TTC28: variants seen among roughly 807,000 people sequenced by gnomAD.
TTC28 encodes tetratricopeptide repeat protein 28.
TTC28 carries 61 observed loss-of-function variants against 198.0 expected under a neutral mutation model. That is an observed-to-expected ratio of 0.31 (90% CI 0.25 to 0.38). The LOEUF (loss-of-function observed/expected upper bound fraction) is 0.38, where lower values mean the gene tolerates loss of function less well. TTC28 is among the 10% of genes least tolerant of loss of function. The pLI is 1.00. For missense variants in TTC28, 2,678 were observed against 3,164.0 expected (o/e 0.85, Z 3.69); for synonymous variants, 1,171 against 1,297.8 (o/e 0.90, Z 2.10).
At chr22:27,993,900 CCT>C (rs1937503044) in intron 17 of TTC28, among the ~76,000 whole-genome samples, 2 of 152,218 alleles carry the variant, frequency 1.3e-5, no homozygotes, top group Non-Finnish European at 2.9e-5. Flanking sequence ...TCAGGAACCC[CCT>C]CACTGCCCAC....
At chr22:28,158,151 A>G (rs1943795037) in intron 6 of TTC28, among the ~76,000 whole-genome samples, 1 of 152,168 alleles carries the variant, frequency 6.6e-6, no homozygotes, top group Non-Finnish European at 1.5e-5. Context: ...ATAAGAAAGG[A>G]ATCTCATTTA....
intron 2 of TTC28, among the ~76,000 whole-genome samples, chr22:28,522,596 T>TACTGCTCGGAGGTTGGGTTC (rs1341260438): frequency 5.9e-5 from 9 of 151,510 alleles, no homozygotes; most frequent in African/African-American, 2.2e-4. Context: ...CTACTGAAAT[T>TACTGCTCGGAGGTTGGGTTC]TGAACTCAAT....
intron 5 of TTC28, among the ~76,000 whole-genome samples, chr22:28,248,754 C>G (rs1930296912): frequency 6.6e-6 from 1 of 152,160 alleles, no homozygotes; most frequent in African/African-American, 2.4e-5. Context: ...TATTTCAAGT[C>G]ATCGTTTTTT....
intron 5 of TTC28, among the ~76,000 whole-genome samples, chr22:28,239,508 G>A (rs890980317): frequency 3.9e-5 from 6 of 152,140 alleles, no homozygotes; most frequent in Admixed American, 2.0e-4. Context: ...GACAGAATGA[G>A]CATTTGCTTA....
rs535971768 is a variant in TTC28, at chr22:28,381,698, T to G, written c.382-75055A>C. 6.6e-5 allele frequency among the ~76,000 whole-genome samples: 10 copies of G among 152,246 alleles called. No homozygotes were observed. In the South Asian group the frequency reaches 1.5e-3, roughly 22 times the overall value. On this transcript the variant is annotated intron_variant, in intron 2 of 22. Transcript: ENST00000397906. ...CAAGAGAAGTCACTTAATCCAGTATTTTATTGGAAATTGGACCAACTCCAA... is the reference window on the plus strand; with the variant it reads ...CAAGAGAAGTCACTTAATCCAGTATGTTATTGGAAATTGGACCAACTCCAA...
chr22:28,339,974 T>C (rs773304782), intron 2 of TTC28, among the ~76,000 whole-genome samples: 9 of 152,226 alleles, frequency 5.9e-5, no homozygotes, highest in Non-Finnish European at 1.3e-4. Flanking sequence ...ACCCGTCTTC[T>C]GCGTCGCCTA....
intron 6 of TTC28, among the ~76,000 whole-genome samples, chr22:28,140,098 C>A (rs879294498): frequency 6.6e-6 from 1 of 152,122 alleles, no homozygotes; most frequent in Non-Finnish European, 1.5e-5. Flanking sequence ...GTTCCTCCCC[C>A]ATAAGGTTGA....
At chr22:28,284,486 G>T (rs533280330) in intron 5 of TTC28, among the ~76,000 whole-genome samples, 1 of 152,156 alleles carries the variant, frequency 6.6e-6, no homozygotes, top group East Asian at 1.9e-4. Context: ...GACGCCAAAA[G>T]CATAGATAAC....
rs1022538284 is a variant in TTC28 at position 28,119,981 on chromosome 22, A to C, written c.1442-11578T>G. On this transcript the variant is annotated intron_variant, in intron 6 of 22. Transcript: ENST00000397906. ...CCTCACCAATTTATCTGTAAAATGTAATGCATTAAGAAGACAGATTAAAAA... is the reference window on the plus strand; with the variant it reads ...CCTCACCAATTTATCTGTAAAATGTCATGCATTAAGAAGACAGATTAAAAA... Among the ~76,000 whole-genome samples, 12 of 152,352 alleles carry C rather than the reference A, an allele frequency of 7.9e-5. 1 individual carries two copies. Among genetic ancestry groups the C allele is most frequent in the Admixed American group, 7.8e-4 (12 of 15,302 alleles).
chr22:28,676,920 C>T (rs1250097160), intron 1 of TTC28, among the ~76,000 whole-genome samples: 1 of 151,062 alleles, frequency 6.6e-6, no homozygotes, highest in African/African-American at 2.4e-5. Context: ...CTTGGGAGCC[C>T]GAGGAGGGTG....
chr22:28,263,357 T>C (rs923447315), intron 5 of TTC28, among the ~76,000 whole-genome samples: 5 of 152,104 alleles, frequency 3.3e-5, no homozygotes, highest in Admixed American at 2.0e-4. Context: ...TAAAACTCTA[T>C]TGCATTTCTG....
rs1043328915 is a variant in TTC28, at chr22:28,341,019, G to A, written c.382-34376C>T. On this transcript the variant is annotated intron_variant, in intron 2 of 22. Coordinates refer to ENST00000397906, the MANE Select transcript of TTC28 (RefSeq NM_001145418.2). ...GGAAGAAAAATTATTTTAATTTAAA[G>A]TCTCCAAAGGGTACAACATGTAGCA... Among the ~76,000 whole-genome samples, 4 of 152,248 alleles carry A rather than the reference G, an allele frequency of 2.6e-5. 1 individual carries two copies. In the South Asian group the frequency reaches 8.3e-4, roughly 32 times the overall value.
At chr22:28,030,205 G>A (rs1569093069) in intron 13 of TTC28, 21 bp downstream of exon 13, 7 of 1,551,168 alleles carry the variant, frequency 4.5e-6, no homozygotes, top group Non-Finnish European at 6.1e-6. Flanking sequence ...ACTGGGCCTG[G>A]GGAAAGCGCC....
At chr22:28,386,274 C>CAAAAAAAAAAAAAAAAAAAAAA (rs71194764) in intron 2 of TTC28, among the ~76,000 whole-genome samples, 6 of 52,234 alleles carry the variant, frequency 1.1e-4, no homozygotes, top group Admixed American at 3.4e-4. Flanking sequence ...GACTCCGTCT[C>CAAAAAAAAAAAAAAAAAAAAAA]AAAAAAAAAA....
chr22:28,581,649 T>C (rs2050235331), intron 2 of TTC28, among the ~76,000 whole-genome samples: 1 of 152,200 alleles, frequency 6.6e-6, no homozygotes, highest in African/African-American at 2.4e-5. Context: ...ACAGATATCA[T>C]TGCAAGAATA....
At position 28,125,172 on chromosome 22, in the gene TTC28, T is replaced by C. The variant is rs543946099; in HGVS notation, c.1442-16769A>G. On this transcript the variant is annotated intron_variant, in intron 6 of 22. Transcript: ENST00000397906. ...AATCATTTGTTTTCCAGATGGAGAA[T>C]TGAAGTACAAAGAAGGGTCACAACC... 1.7e-4 allele frequency among the ~76,000 whole-genome samples: 26 copies of C among 152,300 alleles called. No homozygotes were observed. In the Middle Eastern group the frequency reaches 0.01, roughly 60 times the overall value.
At position 28,537,334 on chromosome 22, in the gene TTC28, A is replaced by AAAATAAAATAAAATAAAAT. The variant is rs1569009295; in HGVS notation, c.381+92217_381+92218insATTTTATTTTATTTTATTT. ...AAAATAAAATAAAATAAAATAAAAT[A>AAAATAAAATAAAATAAAAT]AAATAAAAACAAGAATAGGCAAATC... On this transcript the variant is annotated intron_variant, in intron 2 of 22. Coordinates refer to ENST00000397906, the MANE Select transcript of TTC28 (RefSeq NM_001145418.2). Among the ~76,000 whole-genome samples the AAAATAAAATAAAATAAAAT allele has an allele frequency of 2.7e-5, 4 of 148,976 alleles. No individual in the cohort carries two copies. The East Asian group carries it at 6.3e-4, about 23-fold the overall frequency.
At chr22:28,493,974 TCAAA>T (rs1378904563) in intron 2 of TTC28, among the ~76,000 whole-genome samples, 1 of 152,140 alleles carries the variant, frequency 6.6e-6, no homozygotes, top group Non-Finnish European at 1.5e-5. Context: ...AGATTCTGAG[TCAAA>T]CAAACACACT....
chr22:28,042,507 C>CA (rs969115832), intron 12 of TTC28, among the ~76,000 whole-genome samples: 26 of 152,168 alleles, frequency 1.7e-4, no homozygotes, highest in African/African-American at 5.8e-4. Flanking sequence ...CACACATTTT[C>CA]ACTCATAGGT....
Sources: allele counts gnomAD v4.1 joint callset (sites outside exome capture counted in the v4.1 genomes callset), GRCh38; gene constraint gnomAD v4.1.1; transcripts MANE v1.5; gene names NCBI Gene and HGNC (gene_info 2026-07-23, HGNC 2026-07-21).